The following ABLIM1 variants were observed in gnomAD, a reference collection of about 807,000 sequenced individuals.
The protein encoded by ABLIM1 is actin-binding LIM protein 1.
In ABLIM1, 40 loss-of-function variants were observed where a neutral mutation model predicts 107.0. The observed-to-expected ratio is 0.37, with a 90% CI of 0.29 to 0.49. The LOEUF is 0.49. Among genes scored for constraint, ABLIM1 ranks in the 20% least tolerant of loss-of-function variants. The probability of loss-of-function intolerance (pLI) is 0.97; values close to 1 mark genes in which losing one functional copy is unlikely to be tolerated. For missense variants in ABLIM1, 857 were observed against 1,008.5 expected (o/e 0.85, Z 2.04); for synonymous variants, 357 against 357.3 (o/e 1.00, Z 0.01).
chr10:114,699,702 A>G (rs2081269364), intron 1 of ABLIM1, among the ~76,000 whole-genome samples: 1 of 152,220 alleles, frequency 6.6e-6, no homozygotes, highest in African/African-American at 2.4e-5. Context: ...ATTAAAACCA[A>G]TTGAGAGACA....
At chr10:114,481,517 G>A (rs1034323885) in intron 8 of ABLIM1, among the ~76,000 whole-genome samples, 2 of 151,968 alleles carry the variant, frequency 1.3e-5, no homozygotes. Context: ...AGACAAGGTG[G>A]GGATAACAGC....
the ABLIM1 span, among the ~76,000 whole-genome samples, chr10:114,784,345 C>G: frequency 1.6e-3 from 157 of 98,266 alleles, no homozygotes; most frequent in African/African-American, 6.0e-3. Flanking sequence ...GACTCTGTCT[C>G]AAAAAAAGAA....
chr10:114,540,078 C>T (rs1468467764), intron 6 of ABLIM1, among the ~76,000 whole-genome samples: 2 of 152,120 alleles, frequency 1.3e-5, no homozygotes, highest in Non-Finnish European at 2.9e-5. Flanking sequence ...ATAGCAAGAT[C>T]CCCCTAAAAA....
At chr10:114,519,701 T>C in intron 6 of ABLIM1, among the ~76,000 whole-genome samples, 1 of 152,226 alleles carries the variant, frequency 6.6e-6, no homozygotes, top group East Asian at 1.9e-4. Flanking sequence ...CTCTTTGTGA[T>C]GGATAGAGGA....
intron 10 of ABLIM1, among the ~76,000 whole-genome samples, chr10:114,469,128 T>C (rs552307978): frequency 6.6e-6 from 1 of 152,064 alleles, no homozygotes; most frequent in South Asian, 2.1e-4. Flanking sequence ...GCTAGACAAG[T>C]TGGAACCATT....
In ABLIM1 at chr10:114,658,086, C is replaced by T. The variant is rs1469413789; in HGVS notation, c.115G>A (p.Val39Ile). 1 of 1,614,230 alleles carries T rather than the reference C, an allele frequency of 6.2e-7. No individual in the cohort carries two copies. Among genetic ancestry groups the T allele is most frequent in the Admixed American group, 1.7e-5 (1 of 60,018 alleles). Residue 39 changes from valine (V) to isoleucine (I), a missense_variant, in exon 1 of 23, where the codon GTT becomes ATT. By Grantham distance (29) the Val-to-Ile change is conservative (BLOSUM62 3). This residue lies in a region of ABLIM1 where 176 missense variants were observed against 173.5 expected (regional missense o/e 1.01). Coordinates refer to ENST00000533213, the MANE Select transcript of ABLIM1 (RefSeq NM_002313.7). ...ARGSNRKRLI[V>I]EDRRVSGTSF... ...GTCCCAGAGACCCTCCGGTCCTCAA[C>T]AATCAGTCTCTTTCTGTTCGAGCCC... is the stretch of plus-strand genomic sequence containing the variant.
At chr10:114,769,868 T>C (rs753772288), upstream of ABLIM1, among the ~76,000 whole-genome samples, 1 of 152,218 alleles carries the variant, frequency 6.6e-6, no homozygotes, top group Non-Finnish European at 1.5e-5. Flanking sequence ...TATTTATCCA[T>C]CTTGACAACA....
At chr10:114,733,814 C>T (rs987819911) in intron 1 of ABLIM1, among the ~76,000 whole-genome samples, 2 of 152,028 alleles carry the variant, frequency 1.3e-5, no homozygotes, top group African/African-American at 4.8e-5. Context: ...TATATTTTAA[C>T]CAACAACTCC....
chr10:114,766,525 G>A (rs1235667680), intron 1 of ABLIM1, among the ~76,000 whole-genome samples: 2 of 152,224 alleles, frequency 1.3e-5, no homozygotes, highest in South Asian at 2.1e-4. Flanking sequence ...GGAATAGGAG[G>A]GGCCAGAGAC....
At chr10:114,546,978 G>A (rs1394180761) in intron 5 of ABLIM1, among the ~76,000 whole-genome samples, 5 of 151,966 alleles carry the variant, frequency 3.3e-5, no homozygotes, top group African/African-American at 9.7e-5. Context: ...TATTAGTAGA[G>A]ATGAGGTCTT....
the ABLIM1 span, among the ~76,000 whole-genome samples, chr10:114,800,782 G>A: frequency 3.3e-5 from 5 of 152,236 alleles, no homozygotes; most frequent in Admixed American, 6.5e-5. Flanking sequence ...CATGGCGCAT[G>A]CCTGTAATCC....
chr10:114,643,650 T>C (rs2078849893), intron 1 of ABLIM1, among the ~76,000 whole-genome samples: 1 of 150,978 alleles, frequency 6.6e-6, no homozygotes, highest in Non-Finnish European at 1.5e-5. Flanking sequence ...AGATCATGGC[T>C]CACTGCAACC....
chr10:114,684,855 G>A (rs968901133), exon 1 of ABLIM1: 1 of 425,998 alleles, frequency 2.3e-6, no homozygotes, highest in African/African-American at 2.2e-5. Context: ...TTTCCTTAAT[G>A]AATTACTATC....
At chr10:114,583,724 C>T (rs1475599217) in intron 2 of ABLIM1, among the ~76,000 whole-genome samples, 1 of 151,740 alleles carries the variant, frequency 6.6e-6, no homozygotes, top group Non-Finnish European at 1.5e-5. Flanking sequence ...CATCTAAGTG[C>T]CTGTCAATGG....
intron 8 of ABLIM1, among the ~76,000 whole-genome samples, chr10:114,479,627 G>A (rs543133769): frequency 6.6e-6 from 1 of 152,284 alleles, no homozygotes; most frequent in East Asian, 1.9e-4. Flanking sequence ...CTACTGAACT[G>A]TGCTCAAGGC....
chr10:114,647,022 G>T (rs1042343198), intron 1 of ABLIM1, among the ~76,000 whole-genome samples: 11 of 151,908 alleles, frequency 7.2e-5, no homozygotes, highest in Non-Finnish European at 1.0e-4. Context: ...TTGAGACAGG[G>T]TCTCACTCTG....
upstream of ABLIM1, among the ~76,000 whole-genome samples, chr10:114,686,991 C>T (rs2080956450): frequency 6.6e-6 from 1 of 152,168 alleles, no homozygotes; most frequent in African/African-American, 2.4e-5. Flanking sequence ...AAATCAGAGA[C>T]ACGGTTGTGT....
intron 5 of ABLIM1, 122 bp from the exon 6 acceptor site, chr10:114,545,220 G>T (rs1018000079): frequency 2.0e-5 from 17 of 842,332 alleles, no homozygotes; most frequent in Non-Finnish European, 3.2e-5. Flanking sequence ...CCTGCCCAGT[G>T]TTCACATGCC....
intron 11 of ABLIM1, among the ~76,000 whole-genome samples, chr10:114,467,952 A>AT (rs1337371286): frequency 5.9e-5 from 9 of 152,216 alleles, no homozygotes; most frequent in Admixed American, 5.2e-4. Context: ...ACAGACACAG[A>AT]TTAAAGTGAG....
Sources: gnomAD v4.1 joint callset for allele counts (sites outside exome capture counted in the v4.1 genomes callset) on GRCh38, gnomAD v4.1.1 for gene constraint, gnomAD v4.1.1 regional missense constraint, MANE v1.5 for transcripts, NCBI Gene and HGNC (gene_info 2026-07-23, HGNC 2026-07-21) for gene names.